The following MND1 variants were observed in gnomAD, a reference collection of about 807,000 sequenced individuals.
MND1 encodes meiotic nuclear division protein 1 homolog.
Under a neutral mutation model 35.1 loss-of-function variants are expected in MND1, and 28 were observed. That is an observed-to-expected ratio of 0.80 (90% CI 0.59 to 1.09). MND1 has a LOEUF of 1.09. MND1 is among the 50% of genes least tolerant of loss of function. MND1 has a pLI of 0.00. For missense variants in MND1, 213 were observed against 239.6 expected (o/e 0.89, Z 0.73); for synonymous variants, 69 against 70.5 (o/e 0.98, Z 0.11).
At chr4:153,366,988 G>T (rs1773651536) in intron 4 of MND1, among the ~76,000 whole-genome samples, 1 of 152,018 alleles carries the variant, frequency 6.6e-6, no homozygotes, top group Non-Finnish European at 1.5e-5. Context: ...CTCAAAACAG[G>T]TAGCCTGTCT....
At chr4:153,395,879 A>T (rs950761684) in intron 5 of MND1, among the ~76,000 whole-genome samples, 1 of 151,500 alleles carries the variant, frequency 6.6e-6, no homozygotes, top group Admixed American at 6.6e-5. Flanking sequence ...TCTCCTCTTG[A>T]TTTTGTTTTG....
chr4:153,354,842 G>A (rs781578224), intron 2 of MND1, among the ~76,000 whole-genome samples: 2 of 152,088 alleles, frequency 1.3e-5, no homozygotes, highest in Non-Finnish European at 2.9e-5. Flanking sequence ...TGTTCTTTAT[G>A]TTCTGATCTC....
intron 5 of MND1, 89 bp from the exon 6 acceptor site, chr4:153,397,130 A>T: frequency 1.2e-6 from 1 of 830,242 alleles, no homozygotes; most frequent in Non-Finnish European, 1.9e-6. Context: ...ATTTATAAGA[A>T]ATAAAATGAA....
chr4:153,390,887 ATATG>A (rs1729004254), intron 4 of MND1, among the ~76,000 whole-genome samples: 2 of 99,000 alleles, frequency 2.0e-5, no homozygotes, highest in African/African-American at 5.6e-5. Context: ...AAAGGTATAT[ATATG>A]TGTGTGTGTG....
At chr4:153,389,803 A>T (rs191202629) in intron 4 of MND1, among the ~76,000 whole-genome samples, 2 of 152,214 alleles carry the variant, frequency 1.3e-5, no homozygotes, top group African/African-American at 4.8e-5. Flanking sequence ...TGTGAGCTAG[A>T]TAATATTTTT....
chr4:153,356,851 G>A (rs1296582818), intron 3 of MND1, among the ~76,000 whole-genome samples: 1 of 151,748 alleles, frequency 6.6e-6, no homozygotes. Flanking sequence ...CACCCAGGCT[G>A]GAGCCCAGTG....
At chr4:153,380,489 G>A (rs1728646010) in intron 4 of MND1, among the ~76,000 whole-genome samples, 1 of 152,064 alleles carries the variant, frequency 6.6e-6, no homozygotes. Context: ...TGTCTTATTG[G>A]CCAGATCTGA....
In MND1 at chr4:153,392,163, G is replaced by A. The variant is rs528700586; in HGVS notation, c.277-2099G>A. Among the ~76,000 whole-genome samples the A allele has an allele frequency of 1.8e-4, 27 of 151,516 alleles. No homozygotes were observed. The South Asian group carries it at 2.5e-3, about 14-fold the overall frequency. On this transcript the variant is annotated intron_variant, in intron 4 of 7. Coordinates refer to ENST00000240488, the MANE Select transcript of MND1 (RefSeq NM_032117.4). ...GTCACCCAGGCTGGAGTGCAGTGGC[G>A]CGATCTCGGCTCACTGCAAGCTCCA...
At chr4:153,407,650 C>T (rs998328208) in intron 6 of MND1, among the ~76,000 whole-genome samples, 2 of 152,086 alleles carry the variant, frequency 1.3e-5, no homozygotes, top group Non-Finnish European at 2.9e-5. Flanking sequence ...GCCCAAATGT[C>T]CATCAGCTGA....
intron 2 of MND1, among the ~76,000 whole-genome samples, chr4:153,352,379 A>G (rs1308267017): frequency 2.0e-5 from 3 of 152,194 alleles, no homozygotes; most frequent in Admixed American, 6.5e-5. Flanking sequence ...TGAGAACAGT[A>G]TAGCTCAATA....
chr4:153,402,063 G>C (rs184834201), intron 6 of MND1, among the ~76,000 whole-genome samples: 1 of 152,282 alleles, frequency 6.6e-6, no homozygotes, highest in East Asian at 1.9e-4. Context: ...GCTGAGGCAG[G>C]AGAATCGCTT....
chr4:153,390,821 C>T (rs925845279), intron 4 of MND1, among the ~76,000 whole-genome samples: 1 of 151,720 alleles, frequency 6.6e-6, no homozygotes, highest in African/African-American at 2.4e-5. Context: ...GCATTCCAGC[C>T]CCTGTCTCAA....
intron 4 of MND1, among the ~76,000 whole-genome samples, chr4:153,390,575 G>A (rs1728991605): frequency 6.6e-6 from 1 of 152,122 alleles, no homozygotes; most frequent in Non-Finnish European, 1.5e-5. Flanking sequence ...GGCTGGGTGT[G>A]GTGACTCATG....
intron 3 of MND1, among the ~76,000 whole-genome samples, chr4:153,356,636 A>C (rs1028373524): frequency 2.0e-5 from 3 of 150,420 alleles, no homozygotes; most frequent in African/African-American, 7.3e-5. Flanking sequence ...CCATACTGAG[A>C]GTACCCATTC....
At chr4:153,363,459 G>A (rs1412024040) in intron 4 of MND1, among the ~76,000 whole-genome samples, 6 of 152,118 alleles carry the variant, frequency 3.9e-5, no homozygotes, top group Admixed American at 1.3e-4. Flanking sequence ...TGATCCACCC[G>A]CCTCGGCCTC....
intron 4 of MND1, among the ~76,000 whole-genome samples, chr4:153,379,871 AAAAAAT>A: frequency 6.6e-6 from 1 of 150,588 alleles, no homozygotes; most frequent in Non-Finnish European, 1.5e-5. Context: ...AAAAAAAAAA[AAAAAAT>A]CAGGTGTTGT....
chr4:153,371,653 G>A (rs1773790909), intron 4 of MND1, among the ~76,000 whole-genome samples: 1 of 152,068 alleles, frequency 6.6e-6, no homozygotes, highest in South Asian at 2.1e-4. Flanking sequence ...TGGCTTAAGG[G>A]AACGTTGTGG....
At chr4:153,381,693 T>TATAATATATATAATATAATATATATATA (rs1491188331) in intron 4 of MND1, 1 of 12,080 alleles carries the variant, frequency 8.3e-5, no homozygotes, top group African/African-American at 4.0e-4. Context: ...TATATATATA[T>TATAATATATATAATATAATATATATATA]TTTTTTTTTT....
At chr4:153,414,211 G>T (rs1579965101) in intron 7 of MND1, among the ~76,000 whole-genome samples, 1 of 152,056 alleles carries the variant, frequency 6.6e-6, no homozygotes, top group Non-Finnish European at 1.5e-5. Flanking sequence ...CTTAAGTCTG[G>T]TATTTAGCAG....
Sources: gnomAD v4.1 joint callset for allele counts (sites outside exome capture counted in the v4.1 genomes callset) on GRCh38, gnomAD v4.1.1 for gene constraint, MANE v1.5 for transcripts, NCBI Gene and HGNC (gene_info 2026-07-23, HGNC 2026-07-21) for gene names.